The following PRORP variants were observed in gnomAD, a reference collection of about 807,000 sequenced individuals.
The protein encoded by PRORP is mitochondrial ribonuclease P catalytic subunit.
A neutral mutation model predicts 59.4 loss-of-function variants in PRORP; 51 were observed. The observed-to-expected ratio is 0.86, with a 90% CI of 0.69 to 1.08. The LOEUF is 1.08. Among genes scored for constraint, PRORP ranks in the 50% least tolerant of loss-of-function variants. The pLI is 0.00. For missense variants in PRORP, 646 were observed against 690.3 expected (o/e 0.94, Z 0.72); for synonymous variants, 231 against 245.6 (o/e 0.94, Z 0.55).
chr14:35,203,519 CCT>C (rs1368433249), intron 5 of PRORP, among the ~76,000 whole-genome samples: 1 of 151,876 alleles, frequency 6.6e-6, no homozygotes, highest in Non-Finnish European at 1.5e-5. Flanking sequence ...AGAGTGATAC[CCT>C]GTCTCAAAAA....
chr14:35,167,674 A>G (rs1201607413), intron 4 of PRORP, among the ~76,000 whole-genome samples: 1 of 152,216 alleles, frequency 6.6e-6, no homozygotes, highest in Middle Eastern at 3.2e-3. Flanking sequence ...GTAATTAGAT[A>G]CAGAGATGGA....
At chr14:35,219,754 A>G (rs2138436230) in intron 5 of PRORP, among the ~76,000 whole-genome samples, 1 of 152,354 alleles carries the variant, frequency 6.6e-6, no homozygotes, top group South Asian at 2.1e-4. Flanking sequence ...GTATCAAAAT[A>G]CACCTCTCTA....
At chr14:35,196,702 G>A (rs1280924458) in intron 5 of PRORP, among the ~76,000 whole-genome samples, 1 of 152,100 alleles carries the variant, frequency 6.6e-6, no homozygotes, top group Non-Finnish European at 1.5e-5. Flanking sequence ...TCATGACATG[G>A]CAACTCAGGG....
intron 5 of PRORP, among the ~76,000 whole-genome samples, chr14:35,254,526 G>A (rs533813516): frequency 6.6e-6 from 1 of 152,160 alleles, no homozygotes. Flanking sequence ...CTGAGTAGCT[G>A]GGATTACAGG....
chr14:35,201,972 ATTT>A (rs753624770), intron 5 of PRORP, among the ~76,000 whole-genome samples: 2 of 112,382 alleles, frequency 1.8e-5, no homozygotes, highest in African/African-American at 6.2e-5. Context: ...AATTATTATT[ATTT>A]TTTTTTTTTT....
chr14:35,225,360 T>C (rs537439303), intron 5 of PRORP, among the ~76,000 whole-genome samples: 2 of 152,308 alleles, frequency 1.3e-5, no homozygotes, highest in East Asian at 1.9e-4. Flanking sequence ...TTTTTCTTTT[T>C]TTTAAGATGG....
intron 5 of PRORP, among the ~76,000 whole-genome samples, chr14:35,213,758 G>A (rs964152088): frequency 3.3e-5 from 5 of 152,176 alleles, no homozygotes; most frequent in African/African-American, 9.6e-5. Flanking sequence ...TCCATCTTAC[G>A]TGAGTGTGGT....
intron 5 of PRORP, among the ~76,000 whole-genome samples, chr14:35,212,999 T>G (rs1242642598): frequency 6.6e-6 from 1 of 152,228 alleles, no homozygotes; most frequent in Non-Finnish European, 1.5e-5. Context: ...CTACTTCGTC[T>G]TACACTTTTA....
chr14:35,235,502 G>T, intron 5 of PRORP: 2 of 611,144 alleles, frequency 3.3e-6, no homozygotes, highest in Non-Finnish European at 3.1e-6. Flanking sequence ...CACTTCATGT[G>T]CAGTCACCAC....
intron 5 of PRORP, among the ~76,000 whole-genome samples, chr14:35,256,068 G>A (rs1245041489): frequency 6.6e-6 from 1 of 151,622 alleles, no homozygotes; most frequent in Non-Finnish European, 1.5e-5. Flanking sequence ...GGCGGATCAC[G>A]AGGTCAGGAG....
At chr14:35,219,683 T>G (rs1051006166) in intron 5 of PRORP, among the ~76,000 whole-genome samples, 2 of 152,196 alleles carry the variant, frequency 1.3e-5, no homozygotes, top group African/African-American at 2.4e-5. Flanking sequence ...ACTGAGAAAT[T>G]TATAACATTG....
intron 5 of PRORP, among the ~76,000 whole-genome samples, chr14:35,261,980 T>TC (rs1173348012): frequency 6.6e-6 from 1 of 152,142 alleles, no homozygotes. Context: ...CCAGAATAGT[T>TC]CAAGATAGGC....
intron 5 of PRORP, among the ~76,000 whole-genome samples, chr14:35,248,825 G>A (rs1485678572): frequency 6.6e-6 from 1 of 152,172 alleles, no homozygotes; most frequent in African/African-American, 2.4e-5. Context: ...AAAAACAAGA[G>A]GAACGAAGAC....
At chr14:35,232,608 A>G (rs779048720) in intron 5 of PRORP, among the ~76,000 whole-genome samples, 12 of 152,230 alleles carry the variant, frequency 7.9e-5, no homozygotes, top group Admixed American at 4.6e-4. Context: ...TGCTTGGCCC[A>G]TAGTAAGTCC....
chr14:35,128,524 G>C (rs1276216496), intron 4 of PRORP, among the ~76,000 whole-genome samples: 1 of 151,774 alleles, frequency 6.6e-6, no homozygotes, highest in African/African-American at 2.4e-5. Context: ...ACTTGTTATT[G>C]GTCTCTTCAT....
chr14:35,194,585 T>C (rs1370138717), intron 5 of PRORP, among the ~76,000 whole-genome samples: 1 of 152,198 alleles, frequency 6.6e-6, no homozygotes, highest in Admixed American at 6.5e-5. Context: ...CTAATGTAGA[T>C]GACGGGTTGG....
intron 4 of PRORP, among the ~76,000 whole-genome samples, chr14:35,129,877 C>T (rs372849155): frequency 1.3e-5 from 2 of 152,126 alleles, no homozygotes; most frequent in African/African-American, 4.8e-5. Context: ...TATAAACAAA[C>T]AAGCAAAAAG....
At chr14:35,257,542 C>T (rs989171435) in intron 5 of PRORP, among the ~76,000 whole-genome samples, 2 of 152,186 alleles carry the variant, frequency 1.3e-5, no homozygotes, top group African/African-American at 4.8e-5. Context: ...CTGTTTAAGG[C>T]TGAATAATAA....
intron 5 of PRORP, among the ~76,000 whole-genome samples, chr14:35,186,529 T>G (rs989453573): frequency 1.3e-5 from 2 of 151,964 alleles, no homozygotes; most frequent in Non-Finnish European, 2.9e-5. Flanking sequence ...AACTCCCAGT[T>G]TCTTCCTCCC....
Sources: gnomAD v4.1 joint callset for allele counts (sites outside exome capture counted in the v4.1 genomes callset) on GRCh38, gnomAD v4.1.1 for gene constraint, MANE v1.5 for transcripts, NCBI Gene and HGNC (gene_info 2026-07-23, HGNC 2026-07-21) for gene names.